The following CCDC146 variants were observed in gnomAD, a reference collection of about 807,000 sequenced individuals.
CCDC146 encodes coiled-coil domain containing 146.
In CCDC146, 92 loss-of-function variants were observed where a neutral mutation model predicts 119.3. That is an observed-to-expected ratio of 0.77 (90% CI 0.65 to 0.92). CCDC146 has a LOEUF of 0.92. Ranked by LOEUF, CCDC146 falls within the 40% of genes least tolerant of loss-of-function variation. The pLI is 0.00. For synonymous variants in CCDC146, 372 were observed against 371.8 expected (o/e 1.00, Z -0.01); for missense variants, 1,000 against 1,103.0 (o/e 0.91, Z 1.32).
At chr7:77,161,442 G>T (rs971215265) in intron 1 of CCDC146, among the ~76,000 whole-genome samples, 10 of 151,898 alleles carry the variant, frequency 6.6e-5, no homozygotes, top group Admixed American at 1.3e-4. Context: ...ATACACCATG[G>T]AATACTATGC....
chr7:77,256,875 C>T lies in CCDC146; in HGVS notation c.684+366C>T, dbSNP rs188988126. Reference sequence around the variant, plus strand: ...ATCCCAGCACTTTGTGAGGCCAAGGCGGTGGATCACCTGAGGTTAGGAGTT... The same window carrying T: ...ATCCCAGCACTTTGTGAGGCCAAGGTGGTGGATCACCTGAGGTTAGGAGTT... On this transcript the variant is annotated intron_variant, in intron 6 of 18. Transcript: ENST00000285871. 6.9e-4 allele frequency among the ~76,000 whole-genome samples: 105 copies of T among 152,144 alleles called. 2 individuals carry two copies. In the East Asian group the frequency reaches 0.019, roughly 27 times the overall value.
At chr7:77,273,083 G>T (rs976553600) in intron 9 of CCDC146, among the ~76,000 whole-genome samples, 5 of 152,194 alleles carry the variant, frequency 3.3e-5, no homozygotes, top group African/African-American at 1.2e-4. Flanking sequence ...TGGGTCATGA[G>T]TTAGATGAGT....
rs117374010 is a variant in CCDC146, at chr7:77,222,095, C to T, written c.157-14852C>T. Among the ~76,000 whole-genome samples the T allele has an allele frequency of 9.6e-4, 146 of 152,276 alleles. 1 individual carries two copies. The East Asian group carries it at 0.025, about 26-fold the overall frequency. ...AACAGAGTAGACTTGTCTAAACATG[C>T]GGCCAGGATTTCAAGCCCCCTTACC... On this transcript the variant is annotated intron_variant, in intron 2 of 18. Coordinates refer to ENST00000285871, the MANE Select transcript of CCDC146 (RefSeq NM_020879.3).
chr7:77,158,317 C>T (rs1475180208), intron 1 of CCDC146, among the ~76,000 whole-genome samples: 1 of 152,020 alleles, frequency 6.6e-6, no homozygotes, highest in African/African-American at 2.4e-5. Flanking sequence ...AATTACCATA[C>T]CTGATGGCTA....
intron 2 of CCDC146, among the ~76,000 whole-genome samples, chr7:77,186,200 AT>A (rs1373574704): frequency 2.0e-5 from 3 of 152,190 alleles, no homozygotes; most frequent in Non-Finnish European, 4.4e-5. Context: ...TCCCATGTTT[AT>A]TGTAGCACTA....
intron 2 of CCDC146, among the ~76,000 whole-genome samples, chr7:77,227,274 C>T (rs1248414262): frequency 2.0e-5 from 3 of 152,138 alleles, no homozygotes; most frequent in African/African-American, 7.2e-5. Context: ...GTATCCTTGG[C>T]CCACCTACAA....
rs546953024 is a variant in CCDC146 at position 77,287,080 on chromosome 7, T to G, written c.2277+154T>G. 6.9e-6 allele frequency: 6 copies of G among 864,206 alleles called. No individual in the cohort carries two copies. In the African/African-American group the frequency reaches 8.5e-5, roughly 12 times the overall value. 53.5% of individuals were successfully genotyped at this position (864,206 alleles called of 1,614,324 possible). On this transcript the variant is annotated intron_variant, in intron 16 of 18. Transcript: ENST00000285871. ...TTTGTTGTAATCTAGTCATACATTC[T>G]AAGCTTGATTTAGACACTTGCCAAA...
intron 1 of CCDC146, among the ~76,000 whole-genome samples, chr7:77,161,750 C>T (rs1562819637): frequency 6.6e-6 from 1 of 151,682 alleles, no homozygotes; most frequent in Non-Finnish European, 1.5e-5. Context: ...AAGTAACCTG[C>T]ACATTGTGCA....
intron 4 of CCDC146, among the ~76,000 whole-genome samples, chr7:77,253,623 CAAT>C (rs10592444): frequency 0.011 from 1,708 of 152,232 alleles, 36 homozygotes; most frequent in African/African-American, 0.037. Flanking sequence ...CTTTTTAAGA[CAAT>C]GATGATGCAG....
intron 1 of CCDC146, among the ~76,000 whole-genome samples, chr7:77,145,720 G>C (rs1791007158): frequency 6.6e-6 from 1 of 152,114 alleles, no homozygotes; most frequent in African/African-American, 2.4e-5. Context: ...CCATGTAGTT[G>C]AGCGGTTTTG....
intron 5 of CCDC146, 30 bp from the exon 6 acceptor site, chr7:77,256,303 A>G (rs764210594): frequency 3.3e-6 from 5 of 1,535,072 alleles, no homozygotes; most frequent in Non-Finnish European, 3.5e-6. Flanking sequence ...CTCAGACTAT[A>G]TAACCTAATC....
intron 1 of CCDC146, among the ~76,000 whole-genome samples, chr7:77,151,742 G>A (rs1188225167): frequency 1.3e-5 from 2 of 152,130 alleles, no homozygotes; most frequent in African/African-American, 2.4e-5. Context: ...TCTGGCCGAC[G>A]GTTGGTGTCT....
chr7:77,205,942 G>A (rs1024546521), intron 2 of CCDC146, among the ~76,000 whole-genome samples: 3 of 152,034 alleles, frequency 2.0e-5, no homozygotes, highest in African/African-American at 4.8e-5. Context: ...GAAAAACATG[G>A]CACTAATTAA....
At chr7:77,250,795 C>T (rs1793041997) in intron 4 of CCDC146, among the ~76,000 whole-genome samples, 1 of 148,682 alleles carries the variant, frequency 6.7e-6, no homozygotes, top group Non-Finnish European at 1.5e-5. Flanking sequence ...GTAGTTGTCC[C>T]AGAGTTCTTG....
At chr7:77,123,594 AT>A (rs1790656041) in intron 1 of CCDC146, among the ~76,000 whole-genome samples, 1 of 151,926 alleles carries the variant, frequency 6.6e-6, no homozygotes, top group Non-Finnish European at 1.5e-5. Context: ...TCCCTAAATT[AT>A]TTAGCCAAGA....
chr7:77,211,945 C>A (rs1792193127), intron 2 of CCDC146, among the ~76,000 whole-genome samples: 1 of 152,122 alleles, frequency 6.6e-6, no homozygotes, highest in Admixed American at 6.5e-5. Flanking sequence ...TAACTTCAAA[C>A]AAATAGCCAA....
At chr7:77,294,465 T>TGG (rs1287252599) in intron 18 of CCDC146, among the ~76,000 whole-genome samples, 198 bp from the exon 19 acceptor site, 1 of 55,282 alleles carries the variant, frequency 1.8e-5, no homozygotes, top group African/African-American at 6.1e-5. Flanking sequence ...GAGAGGTAGG[T>TGG]GTGTGTGTGT....
Position 77,273,704 on chromosome 7 carries a change from T to A in CCDC146, c.1184T>A (p.Ile395Asn). The change falls in exon 10 of 19, where the codon ATC (isoleucine) becomes AAC (asparagine). Residue 395 changes from isoleucine to asparagine, a missense_variant. By Grantham distance (149) the Ile-to-Asn change is moderately radical. Transcript: ENST00000285871. The stretch of plus-strand genomic sequence containing the variant: ...AATTTTGATTTCCAGATGGAAGCTA[T>A]CCCCAAAGATGATTCTACATTATCT... ...HQRLLLEMEA[I>N]PKDDSTLSER... The A allele has an allele frequency of 6.2e-6, 10 of 1,607,044 alleles. No homozygotes were observed. The highest frequency in any genetic ancestry group is 8.5e-6 in the Non-Finnish European group (10 of 1,175,620).
chr7:77,201,483 G>A (rs1463776533), intron 2 of CCDC146, among the ~76,000 whole-genome samples: 1 of 151,934 alleles, frequency 6.6e-6, no homozygotes, highest in Non-Finnish European at 1.5e-5. Context: ...GAACCCAGGA[G>A]GTGGAGGTTG....
Sources: allele counts gnomAD v4.1 joint callset (sites outside exome capture counted in the v4.1 genomes callset), GRCh38; gene constraint gnomAD v4.1.1; transcripts MANE v1.5; gene names NCBI Gene and HGNC (gene_info 2026-07-23, HGNC 2026-07-21).